The following TNFRSF6B variants were observed in gnomAD, a reference collection of about 807,000 sequenced individuals.
TNFRSF6B encodes tumor necrosis factor receptor superfamily member 6B.
TNFRSF6B carries 23 observed loss-of-function variants against 17.9 expected under a neutral mutation model. That is an observed-to-expected ratio of 1.28 (90% CI 0.92 to 1.82). The LOEUF (loss-of-function observed/expected upper bound fraction) is 1.82. Ranked by LOEUF, TNFRSF6B falls within the 40% of genes most tolerant of loss-of-function variation. The probability of loss-of-function intolerance (pLI) is 0.00; values close to 1 mark genes in which losing one functional copy is unlikely to be tolerated. For missense variants in TNFRSF6B, 555 were observed against 437.2 expected (o/e 1.27, Z -2.40); for synonymous variants, 291 against 195.8 (o/e 1.49, Z -4.06).
chr20:63,698,290 G>T lies in TNFRSF6B; in HGVS notation c.630G>T (p.Glu210Asp). Residue 210 changes from glutamate to aspartate, a missense_variant, in exon 3 of 3, where the codon GAG (glutamate) becomes GAT (aspartate). By Grantham distance (45) the Glu-to-Asp change is conservative (BLOSUM62 2). Coordinates refer to ENST00000369996, the MANE Select transcript of TNFRSF6B (RefSeq NM_003823.4). ...CCCACCCCACTGCAGGAGCTGAGGA[G>T]TGTGAGCGTGCCGTCATCGACTTTG... ...PLSTRVPGAE[E>D]CERAVIDFVA... 1 of 1,610,850 alleles carries T rather than the reference G, an allele frequency of 6.2e-7. No homozygotes were observed. Among genetic ancestry groups the T allele is most frequent in the Non-Finnish European group, 8.5e-7 (1 of 1,179,160 alleles).
intron 2 of TNFRSF6B, among the ~76,000 whole-genome samples, 182 bp downstream of exon 2, chr20:63,697,704 G>A (rs2091012903): frequency 6.6e-6 from 1 of 152,202 alleles, no homozygotes; most frequent in South Asian, 2.1e-4. Context: ...TCTCAGGGGT[G>A]GCTGAGAATT....
rs1291205 is a variant in TNFRSF6B at position 63,697,476 on chromosome 20, C to A, written c.573C>A (p.Thr191=). The change falls in exon 2 of 3, where the codon ACC becomes ACA. Residue 191 remains threonine (T), a synonymous_variant. Transcript: ENST00000369996. ...TGCCAGGCTCTTCCTCCCATGACACCCTGTGCACCAGCTGCACTGGCTTCC... is the reference window on the plus strand; with the variant it reads ...TGCCAGGCTCTTCCTCCCATGACACACTGTGCACCAGCTGCACTGGCTTCC... The part of the protein sequence containing the change: ...LNVPGSSSHD[T]LCTSCTGFPL... The A allele has an allele frequency of 6.3e-7, 1 of 1,577,844 alleles. No homozygotes were observed. The highest frequency in any genetic ancestry group is 2.4e-5 in the East Asian group (1 of 42,500).
chr20:63,698,019 C>T (rs2091021021), intron 2 of TNFRSF6B, among the ~76,000 whole-genome samples: 2 of 152,196 alleles, frequency 1.3e-5, no homozygotes, highest in Admixed American at 6.5e-5. Flanking sequence ...AAGCCCTTGC[C>T]TGGGCCCCCT....
chr20:63,698,516 C>A lies in TNFRSF6B; in HGVS notation c.856C>A (p.Pro286Thr), dbSNP rs753032413. The A allele has an allele frequency of 6.5e-7, 1 of 1,548,524 alleles. No individual in the cohort carries two copies. The highest frequency in any genetic ancestry group is 1.2e-5 in the South Asian group (1 of 82,460). Reference sequence around the variant, plus strand: ...GCAGGCGCTGCGCGTGGCCAGGATGCCCGGGCTGGAGCGGAGCGTCCGTGA... The same window carrying A: ...GCAGGCGCTGCGCGTGGCCAGGATGACCGGGCTGGAGCGGAGCGTCCGTGA... ...LLQALRVARMPGLERSVRERF... is the reference protein window; with the variant it reads ...LLQALRVARMTGLERSVRERF... The change falls in exon 3 of 3, where the codon CCC (proline) becomes ACC (threonine). Residue 286 changes from proline to threonine, a missense_variant. Physicochemically the swap from Pro to Thr is conservative, Grantham distance 38 (BLOSUM62 -1). Transcript: ENST00000369996.
At chr20:63,697,653 G>A in intron 2 of TNFRSF6B, 131 bp downstream of exon 2, 1 of 1,005,898 alleles carries the variant, frequency 9.9e-7, no homozygotes, top group Non-Finnish European at 1.4e-6. Flanking sequence ...TGGATTTGAG[G>A]GGTCAGGGGT....
Position 63,698,456 on chromosome 20 carries a change from G to T in TNFRSF6B, c.796G>T (p.Gly266Trp). The change falls in exon 3 of 3, where the codon GGG (glycine) becomes TGG (tryptophan). Residue 266 changes from glycine to tryptophan, a missense_variant. Gly to Trp is a radical substitution (Grantham distance 184). Transcript: ENST00000369996. Reference protein sequence around the residue: ...KLRRRLTELLGAQDGALLVRL... With the variant: ...KLRRRLTELLWAQDGALLVRL... Reference sequence around the variant, plus strand: ...GCGTCGGCGGCTCACGGAGCTCCTGGGGGCGCAGGACGGGGCGCTGCTGGT... The same window carrying T: ...GCGTCGGCGGCTCACGGAGCTCCTGTGGGCGCAGGACGGGGCGCTGCTGGT... 1 of 1,565,164 alleles carries T rather than the reference G, an allele frequency of 6.4e-7. No individual in the cohort carries two copies.
chr20:63,698,340 A>G lies in TNFRSF6B; in HGVS notation c.680A>G (p.Lys227Arg), dbSNP rs1200485493. 1.2e-6 allele frequency: 2 copies of G among 1,611,262 alleles called. No individual in the cohort carries two copies. Among genetic ancestry groups the G allele is most frequent in the East Asian group, 2.2e-5 (1 of 44,718 alleles). Residue 227 changes from lysine (K) to arginine (R), a missense_variant, in exon 3 of 3, where the codon AAG (lysine) becomes AGG (arginine). Lys to Arg is a conservative substitution (Grantham distance 26, BLOSUM62 2). Coordinates refer to ENST00000369996, the MANE Select transcript of TNFRSF6B (RefSeq NM_003823.4). ...GTGGCTTTCCAGGACATCTCCATCA[A>G]GAGGCTGCAGCGGCTGCTGCAGGCC... The part of the protein sequence containing the change: ...DFVAFQDISI[K>R]RLQRLLQALE...
Position 63,698,612 on chromosome 20 carries a change from T to TGAAA in TNFRSF6B, c.*52_*55dup. 1 of 1,430,198 alleles carries TGAAA rather than the reference T, an allele frequency of 7.0e-7. No homozygotes were observed. Among genetic ancestry groups the TGAAA allele is most frequent in the Non-Finnish European group, 9.2e-7 (1 of 1,091,280 alleles). The allele number at this position is 1,430,198 out of a possible 1,614,324, so 88.6% of individuals were successfully genotyped here. A position where few individuals can be genotyped will look rare whatever the true frequency, so the allele number is the denominator to read the frequency against. ...TACATCCTTGGCACCCCACTTGCAC[T>TGAAA]GAAAGAGGCTTTTTTTTAAATAGAA... On this transcript the variant is annotated 3_prime_UTR_variant, in exon 3 of 3. Coordinates refer to ENST00000369996, the MANE Select transcript of TNFRSF6B (RefSeq NM_003823.4).
At chr20:63,697,790 G>A (rs979911977) in intron 2 of TNFRSF6B, among the ~76,000 whole-genome samples, 1 of 152,202 alleles carries the variant, frequency 6.6e-6, no homozygotes, top group African/African-American at 2.4e-5. Flanking sequence ...TGCCCGAGGG[G>A]AAGGTGGCTG....
chr20:63,697,428 G>A lies in TNFRSF6B; in HGVS notation c.525G>A (p.Thr175=), dbSNP rs774069205. The part of the protein sequence containing the change: ...SEQCQPHRNC[T]ALGLALNVPG... ...AGTGCCAGCCCCACCGCAACTGCAC[G>A]GCCCTGGGCCTGGCCCTCAATGTGC... Residue 175 remains threonine, a synonymous_variant, in exon 2 of 3, where the codon ACG becomes ACA. Transcript: ENST00000369996. 71 of 1,607,502 alleles carry A rather than the reference G, an allele frequency of 4.4e-5. No homozygotes were observed. Among genetic ancestry groups the A allele is most frequent in the Middle Eastern group, 1.6e-4 (1 of 6,076 alleles).
chr20:63,698,437 G>T lies in TNFRSF6B; in HGVS notation c.777G>T (p.Arg259=), dbSNP rs2091034279. 1.3e-6 allele frequency: 2 copies of T among 1,572,176 alleles called. No homozygotes were observed. The highest frequency in any genetic ancestry group is 1.7e-6 in the Non-Finnish European group (2 of 1,163,124). The change falls in exon 3 of 3, where the codon CGG becomes CGT. Residue 259 remains arginine, a synonymous_variant. Transcript: ENST00000369996. ...CGGCCTTGCAGCTGAAGCTGCGTCG[G>T]CGGCTCACGGAGCTCCTGGGGGCGC... ...GRAALQLKLR[R]RLTELLGAQD...
At chr20:63,697,561 A>G (rs1379426972) in intron 2 of TNFRSF6B, 39 bp downstream of exon 2, 2 of 1,502,424 alleles carry the variant, frequency 1.3e-6, no homozygotes, top group Admixed American at 4.3e-5. Context: ...ACTGCAGGCC[A>G]GGCCCACTTG....
intron 2 of TNFRSF6B, 142 bp from the exon 3 acceptor site, chr20:63,698,138 C>G: frequency 9.2e-7 from 1 of 1,092,276 alleles, no homozygotes; most frequent in Non-Finnish European, 1.3e-6. Context: ...GTTGCACTGC[C>G]CTCTCCAGCA....
chr20:63,698,243 G>A (rs1422939691), intron 2 of TNFRSF6B, 37 bp from the exon 3 acceptor site: 2 of 1,603,958 alleles, frequency 1.2e-6, no homozygotes, highest in Middle Eastern at 1.7e-4. Context: ...GTGTGTGGGT[G>A]AAATGATCGG....
At position 63,698,528 on chromosome 20, in the gene TNFRSF6B, C is replaced by G; in HGVS notation, c.868C>G (p.Arg290Gly). 6.5e-7 allele frequency: 1 copy of G among 1,546,700 alleles called. No individual in the cohort carries two copies. Among genetic ancestry groups the G allele is most frequent in the South Asian group, 1.2e-5 (1 of 82,004 alleles). Residue 290 changes from arginine to glycine, a missense_variant, in exon 3 of 3, where the codon CGG (arginine) becomes GGG (glycine). By Grantham distance (125) the Arg-to-Gly change is moderately radical. Transcript: ENST00000369996. ...LRVARMPGLE[R>G]SVRERFLPVH ...CGTGGCCAGGATGCCCGGGCTGGAG[C>G]GGAGCGTCCGTGAGCGCTTCCTCCC...
Position 63,698,265 on chromosome 20 carries a change from C to T in TNFRSF6B, c.620-15C>T. On this transcript the variant is annotated splice_polypyrimidine_tract_variant and intron_variant, in intron 2 of 2. Transcript: ENST00000369996. Reference sequence around the variant, plus strand: ...GGTGAAATGATCGGACCGCTGCCTCCCCACCCCACTGCAGGAGCTGAGGAG... The same window carrying T: ...GGTGAAATGATCGGACCGCTGCCTCTCCACCCCACTGCAGGAGCTGAGGAG... The T allele has an allele frequency of 1.2e-6, 2 of 1,608,986 alleles. No individual in the cohort carries two copies. The highest frequency in any genetic ancestry group is 2.7e-5 in the African/African-American group (2 of 74,474).
At position 63,696,943 on chromosome 20, in the gene TNFRSF6B, A is replaced by T; in HGVS notation, c.176A>T (p.Gln59Leu). 6.2e-7 allele frequency: 1 copy of T among 1,602,338 alleles called. No homozygotes were observed. Among genetic ancestry groups the T allele is most frequent in the Non-Finnish European group, 8.5e-7 (1 of 1,175,396 alleles). Reference sequence around the variant, plus strand: ...CAGTGCCCCCCAGGCACCTTTGTGCAGCGGCCGTGCCGCCGAGACAGCCCC... The same window carrying T: ...CAGTGCCCCCCAGGCACCTTTGTGCTGCGGCCGTGCCGCCGAGACAGCCCC... ...CAQCPPGTFV[Q>L]RPCRRDSPTT... Residue 59 changes from glutamine to leucine, a missense_variant, in exon 1 of 3, where the codon CAG (glutamine) becomes CTG (leucine). Coordinates refer to ENST00000369996, the MANE Select transcript of TNFRSF6B (RefSeq NM_003823.4).
rs376360925 is a variant in TNFRSF6B at position 63,696,955 on chromosome 20, G to A, written c.188G>A (p.Arg63His). 26 of 1,609,346 alleles carry A rather than the reference G, an allele frequency of 1.6e-5. No individual in the cohort carries two copies. Among genetic ancestry groups the A allele is most frequent in the African/African-American group, 6.7e-5 (5 of 74,864 alleles). Residue 63 changes from arginine (R) to histidine (H), a missense_variant, in exon 1 of 3, where the codon CGC becomes CAC. Physicochemically the swap from Arg to His is conservative, Grantham distance 29 (BLOSUM62 0). Transcript: ENST00000369996. ...PPGTFVQRPC[R>H]RDSPTTCGPC... ...GGCACCTTTGTGCAGCGGCCGTGCC[G>A]CCGAGACAGCCCCACGACGTGTGGC...
At position 63,697,194 on chromosome 20, in the gene TNFRSF6B, G is replaced by A. The variant is rs765103088; in HGVS notation, c.424+3G>A. On this transcript the variant is annotated splice_donor_region_variant and intron_variant, in intron 1 of 2. Transcript: ENST00000369996. ...TGGTGCCGGCGTGATTGCCCCGGGT[G>A]AGAGCTGGGCGAGGGGAGGGGCCCC... 2 of 1,557,566 alleles carry A rather than the reference G, an allele frequency of 1.3e-6. No homozygotes were observed. Among genetic ancestry groups the A allele is most frequent in the South Asian group, 1.2e-5 (1 of 85,762 alleles).
Sources: gnomAD v4.1 joint callset for allele counts (sites outside exome capture counted in the v4.1 genomes callset) on GRCh38, gnomAD v4.1.1 for gene constraint, MANE v1.5 for transcripts, NCBI Gene and HGNC (gene_info 2026-07-23, HGNC 2026-07-21) for gene names.